SUCO: variants seen among roughly 807,000 people sequenced by gnomAD.
The protein encoded by SUCO is SUN domain-containing ossification factor.
SUCO carries 57 observed loss-of-function variants against 148.1 expected under a neutral mutation model. The ratio of observed to expected loss-of-function variants is 0.38; its 90% CI spans 0.31 to 0.48. SUCO has a LOEUF of 0.48. Among genes scored for constraint, SUCO ranks in the 20% least tolerant of loss-of-function variants. The probability of loss-of-function intolerance (pLI) is 0.96; values close to 1 mark genes in which losing one functional copy is unlikely to be tolerated. For missense variants in SUCO, 1,331 were observed against 1,468.2 expected (o/e 0.91, Z 1.53); for synonymous variants, 470 against 502.7 (o/e 0.93, Z 0.87).
intron 17 of SUCO, among the ~76,000 whole-genome samples, chr1:172,586,515 C>G (rs939452069): frequency 6.6e-6 from 1 of 151,990 alleles, no homozygotes; most frequent in African/African-American, 2.4e-5. Context: ...TCTTTTCTGC[C>G]AGAGGTGGTT....
At chr1:172,590,036 G>C in intron 18 of SUCO, 110 bp downstream of exon 18, 1 of 874,516 alleles carries the variant, frequency 1.1e-6, no homozygotes, top group Admixed American at 3.3e-5. Context: ...ATATAATAGA[G>C]GTAAGCGCAA....
Position 172,568,479 on chromosome 1 carries a change from G to A in SUCO, c.733-540G>A, listed in dbSNP as rs185820941. On this transcript the variant is annotated intron_variant, in intron 6 of 23. Coordinates refer to ENST00000263688, the MANE Select transcript of SUCO (RefSeq NM_014283.5). ...CTTTTAAAAATGATTTATGCATTCT[G>A]CATCTTATTAACATGATTTATAAAG... is the stretch of plus-strand genomic sequence containing the variant. The A allele has an allele frequency of 2.3e-4, 215 of 949,710 alleles. No homozygotes were observed. In the African/African-American group the frequency reaches 3.0e-3, roughly 13 times the overall value. 58.8% of individuals were successfully genotyped at this position (949,710 alleles called of 1,614,324 possible).
In SUCO at chr1:172,590,394, G is replaced by A. The variant is rs573914676; in HGVS notation, c.2825+468G>A. On this transcript the variant is annotated intron_variant, in intron 18 of 23. Transcript: ENST00000263688. ...TTGCAGTTTGCTCTCTTTTAAACAGGTCTCGGCATCCTAGTTCTAGTTGTA... is the reference window on the plus strand; with the variant it reads ...TTGCAGTTTGCTCTCTTTTAAACAGATCTCGGCATCCTAGTTCTAGTTGTA... 7.7e-5 allele frequency: 76 copies of A among 982,282 alleles called. No individual in the cohort carries two copies. In the Middle Eastern group the frequency reaches 1.6e-3, roughly 20 times the overall value. 60.8% of individuals were successfully genotyped at this position (982,282 alleles called of 1,614,324 possible).
intron 6 of SUCO, among the ~76,000 whole-genome samples, chr1:172,564,263 C>T (rs1428209561): frequency 6.6e-6 from 1 of 152,198 alleles, no homozygotes; most frequent in East Asian, 1.9e-4. Context: ...GAGAAGAGGG[C>T]CACCATCCTC....
At position 172,589,027 on chromosome 1, in the gene SUCO, T is replaced by C; in HGVS notation, c.1926T>C (p.Ala642=). 6.2e-7 allele frequency: 1 copy of C among 1,613,578 alleles called. No homozygotes were observed. Among genetic ancestry groups the C allele is most frequent in the Middle Eastern group, 1.7e-4 (1 of 6,056 alleles). ...YIYKWCSVRV[A]LYRQRSRTAL... ...ATAAATGGTGTTCAGTTAGAGTTGCTCTTTATCGGCAGCGCAGCCGAACTG... is the reference window on the plus strand; with the variant it reads ...ATAAATGGTGTTCAGTTAGAGTTGCCCTTTATCGGCAGCGCAGCCGAACTG... Residue 642 remains alanine (A), a synonymous_variant, in exon 18 of 24, where the codon GCT becomes GCC. Coordinates refer to ENST00000263688, the MANE Select transcript of SUCO (RefSeq NM_014283.5).
Position 172,553,297 on chromosome 1 carries a change from GA to G in SUCO, c.219del (p.Lys73AsnfsTer15). The G allele has an allele frequency of 6.3e-7, 1 of 1,599,124 alleles. No individual in the cohort carries two copies. The highest frequency in any genetic ancestry group is 8.5e-7 in the Non-Finnish European group (1 of 1,170,512). On this transcript the variant is annotated frameshift_variant, in exon 3 of 24. Transcript: ENST00000263688. LOFTEE classifies it high-confidence loss of function. ...REGPINAESL[G>X]KSGSNLPISP... The stretch of plus-strand genomic sequence containing the variant: ...GGACCTATCAATGCCGAATCATTGG[GA>G]AAATCAGGTTCAAATTTACCTATTT...
In SUCO at chr1:172,611,782, G is replaced by A. The variant is rs1460210861; in HGVS notation, c.*1523G>A. On this transcript the variant is annotated 3_prime_UTR_variant, in exon 24 of 24. Coordinates refer to ENST00000263688, the MANE Select transcript of SUCO (RefSeq NM_014283.5). ...CAATATGTAACTACGGAGCTGTAGT[G>A]CCATTAGAAACTGTGAATTTCCAAA... 3 of 152,732 alleles carry A rather than the reference G, an allele frequency of 2.0e-5. No homozygotes were observed. The East Asian group carries it at 5.8e-4, about 29-fold the overall frequency. 9.5% of individuals were successfully genotyped at this position (152,732 alleles called of 1,614,324 possible). A position where few individuals can be genotyped will look rare whatever the true frequency, so the allele number is the denominator to read the frequency against.
In SUCO at chr1:172,571,290, A is replaced by G. The variant is rs552389742; in HGVS notation, c.1049+560A>G. 1.9e-3 allele frequency among the ~76,000 whole-genome samples: 287 copies of G among 152,324 alleles called. 1 individual carries two copies. The highest frequency in any genetic ancestry group is 2.7e-3 in the Non-Finnish European group (185 of 68,026). On this transcript the variant is annotated intron_variant, in intron 9 of 23. Coordinates refer to ENST00000263688, the MANE Select transcript of SUCO (RefSeq NM_014283.5). ...TGGCCGGGCTGGTCTCCAGCTCCTAACTGCGAGTGATCCGCCAGCCTCGGC... is the reference window on the plus strand; with the variant it reads ...TGGCCGGGCTGGTCTCCAGCTCCTAGCTGCGAGTGATCCGCCAGCCTCGGC...
chr1:172,557,836 T>A, intron 6 of SUCO, 42 bp downstream of exon 6: 3 of 1,453,790 alleles, frequency 2.1e-6, no homozygotes, highest in Non-Finnish European at 2.8e-6. Flanking sequence ...CTTTATGTAA[T>A]GCATTTTTGT....
chr1:172,609,974 T>C lies in SUCO; in HGVS notation c.3480T>C (p.Gly1160=). The C allele has an allele frequency of 6.2e-7, 1 of 1,613,962 alleles. No homozygotes were observed. The highest frequency in any genetic ancestry group is 1.7e-5 in the Admixed American group (1 of 60,002). ...MGEVYHSSYK[G]PPSEGSSETS... ...AAGTTTATCACTCTTCTTATAAAGG[T>C]CCTCCATCTGAAGGAAGCTCAGAAA... Residue 1160 remains glycine, a synonymous_variant, in exon 24 of 24, where the codon GGT becomes GGC. Transcript: ENST00000263688.
Position 172,570,657 on chromosome 1 carries a change from A to G in SUCO, c.982-6A>G. On this transcript the variant is annotated splice_polypyrimidine_tract_variant and splice_region_variant and intron_variant, in intron 8 of 23. Coordinates refer to ENST00000263688, the MANE Select transcript of SUCO (RefSeq NM_014283.5). The stretch of plus-strand genomic sequence containing the variant: ...TAATTTGTTTCCTTTCCTCTTTTTA[A>G]AATAGAGCACATCTGCTATTCTTAT... The G allele has an allele frequency of 6.4e-7, 1 of 1,567,792 alleles. No individual in the cohort carries two copies. The highest frequency in any genetic ancestry group is 8.7e-7 in the Non-Finnish European group (1 of 1,143,078).
chr1:172,593,486 G>A (rs559743433), intron 19 of SUCO, among the ~76,000 whole-genome samples: 1 of 152,050 alleles, frequency 6.6e-6, no homozygotes, highest in Non-Finnish European at 1.5e-5. Flanking sequence ...TAGCATGAAG[G>A]GTTGTTGAAT....
intron 6 of SUCO, among the ~76,000 whole-genome samples, chr1:172,562,812 C>T (rs990792054): frequency 5.9e-5 from 9 of 152,162 alleles, no homozygotes; most frequent in Admixed American, 2.0e-4. Context: ...AGCTCTGTGT[C>T]GCCACCCAAA....
intron 17 of SUCO, 120 bp downstream of exon 17, chr1:172,586,068 A>ACAGAATGTCTATCC: frequency 1.7e-6 from 1 of 583,020 alleles, no homozygotes; most frequent in Non-Finnish European, 2.9e-6. Flanking sequence ...GCTCTGAATC[A>ACAGAATGTCTATCC]TAGGATAGAC....
intron 19 of SUCO, among the ~76,000 whole-genome samples, chr1:172,591,551 T>C (rs1322596277): frequency 6.6e-6 from 1 of 151,770 alleles, no homozygotes; most frequent in Non-Finnish European, 1.5e-5. Flanking sequence ...GTCCTTGTGA[T>C]AGTTTGCTCA....
intron 14 of SUCO, 25 bp downstream of exon 14, chr1:172,578,414 G>C: frequency 6.3e-7 from 1 of 1,587,120 alleles, no homozygotes; most frequent in Non-Finnish European, 8.6e-7. Flanking sequence ...ACAGATGACT[G>C]TTAGGTATAT....
In SUCO at chr1:172,588,899, G is replaced by A; in HGVS notation, c.1798G>A (p.Glu600Lys). 6.2e-7 allele frequency: 1 copy of A among 1,613,332 alleles called. No homozygotes were observed. The highest frequency in any genetic ancestry group is 8.5e-7 in the Non-Finnish European group (1 of 1,179,698). The stretch of plus-strand genomic sequence containing the variant: ...TACAGTGACCCTTCTGGGCAGCGGT[G>A]AACAGGAAGATGAATCATCACCCTG... ...PSTVTLLGSGEQEDESSPWFE... is the reference protein window; with the variant it reads ...PSTVTLLGSGKQEDESSPWFE... Residue 600 changes from glutamate to lysine, a missense_variant, in exon 18 of 24, where the codon GAA (glutamate) becomes AAA (lysine). This residue lies in a region of SUCO where 992 missense variants were observed against 1,093.5 expected (regional missense o/e 0.91). Coordinates refer to ENST00000263688, the MANE Select transcript of SUCO (RefSeq NM_014283.5).
chr1:172,542,766 CAGAATA>C, intron 1 of SUCO: 1 of 985,206 alleles, frequency 1.0e-6, no homozygotes, highest in African/African-American at 1.7e-5. Flanking sequence ...ACTTTTGAAA[CAGAATA>C]AAGAAAGGTG....
intron 9 of SUCO, among the ~76,000 whole-genome samples, chr1:172,571,613 G>A (rs1410236933): frequency 7.2e-6 from 1 of 139,400 alleles, no homozygotes; most frequent in Non-Finnish European, 1.6e-5. Context: ...TAGGAAGTGA[G>A]GAGCGCCTCT....
Sources: gnomAD v4.1 joint callset for allele counts (sites outside exome capture counted in the v4.1 genomes callset) on GRCh38, gnomAD v4.1.1 for gene constraint, gnomAD v4.1.1 regional missense constraint, MANE v1.5 for transcripts, NCBI Gene and HGNC (gene_info 2026-07-23, HGNC 2026-07-21) for gene names.